Variants in SMAP1 observed in about 807,000 individuals in gnomAD.
The protein encoded by SMAP1 is stromal membrane-associated protein 1.
SMAP1 carries 24 observed loss-of-function variants against 58.5 expected under a neutral mutation model. That is an observed-to-expected ratio of 0.41 (90% CI 0.30 to 0.58). The LOEUF (loss-of-function observed/expected upper bound fraction) is 0.58, where lower values mean the gene tolerates loss of function less well. Ranked by LOEUF, SMAP1 falls within the 20% of genes least tolerant of loss-of-function variation. The probability of loss-of-function intolerance (pLI) is 0.29; values close to 1 mark genes in which losing one functional copy is unlikely to be tolerated. For missense variants in SMAP1, 563 were observed against 566.3 expected, an observed-to-expected ratio of 0.99 and a Z score of 0.06; for synonymous variants, 216 against 196.6, an observed-to-expected ratio of 1.10 and a Z score of -0.82.
intron 1 of SMAP1, among the ~76,000 whole-genome samples, chr6:70,676,429 T>C (rs935316960): frequency 2.0e-5 from 3 of 152,250 alleles, no homozygotes; most frequent in African/African-American, 7.2e-5. Flanking sequence ...TTTTATAACC[T>C]GGGGAAATTG....
chr6:70,678,367 T>C (rs1258622355), intron 1 of SMAP1, among the ~76,000 whole-genome samples: 1 of 152,232 alleles, frequency 6.6e-6, no homozygotes, highest in African/African-American at 2.4e-5. Flanking sequence ...ATATTTGGGA[T>C]AGCTTTATCT....
At chr6:70,770,673 A>G (rs1036681583) in intron 3 of SMAP1, among the ~76,000 whole-genome samples, 17 of 152,002 alleles carry the variant, frequency 1.1e-4, no homozygotes, top group Middle Eastern at 3.4e-3. Flanking sequence ...ACAGTTTTCA[A>G]CTTCTTTGCC....
intron 10 of SMAP1, chr6:70,859,288 A>G: frequency 7.0e-7 from 1 of 1,435,872 alleles, no homozygotes; most frequent in South Asian, 1.3e-5. Context: ...TTAAGGTGCT[A>G]GATGAACCAG....
intron 6 of SMAP1, among the ~76,000 whole-genome samples, chr6:70,811,637 GATTTGCATATA>G: frequency 6.6e-6 from 1 of 151,960 alleles, no homozygotes. Flanking sequence ...AAAATGACAT[GATTTGCATATA>G]ACTTATTGCA....
At chr6:70,738,263 T>C (rs187049619) in intron 2 of SMAP1, among the ~76,000 whole-genome samples, 33 of 152,308 alleles carry the variant, frequency 2.2e-4, no homozygotes, top group Admixed American at 2.1e-3. Flanking sequence ...ATAAAAATTA[T>C]ATCATGGTTA....
chr6:70,766,599 T>A (rs1198852029), intron 3 of SMAP1, among the ~76,000 whole-genome samples: 1 of 152,324 alleles, frequency 6.6e-6, no homozygotes, highest in East Asian at 1.9e-4. Context: ...GGTGGTTTGT[T>A]TTTTTCTTGT....
At chr6:70,856,750 C>A in intron 8 of SMAP1, 109 bp from the exon 9 acceptor site, 1 of 1,155,808 alleles carries the variant, frequency 8.7e-7, no homozygotes. Flanking sequence ...TTACCTTCTA[C>A]AATTGTTTGA....
chr6:70,797,011 A>G (rs1768634497), intron 5 of SMAP1, among the ~76,000 whole-genome samples: 1 of 152,150 alleles, frequency 6.6e-6, no homozygotes, highest in Non-Finnish European at 1.5e-5. Flanking sequence ...TGCTTTCACT[A>G]ATTGATGAAT....
intron 2 of SMAP1, among the ~76,000 whole-genome samples, chr6:70,753,609 C>T (rs1354109900): frequency 1.9e-4 from 29 of 152,108 alleles, no homozygotes; most frequent in African/African-American, 5.3e-4. Context: ...CACAGAATTA[C>T]GTATTAACTC....
intron 2 of SMAP1, among the ~76,000 whole-genome samples, chr6:70,749,148 A>G (rs1442681236): frequency 6.6e-6 from 1 of 152,154 alleles, no homozygotes; most frequent in African/African-American, 2.4e-5. Context: ...AGGCGAGGGG[A>G]AAGCAAGGCA....
chr6:70,753,005 T>C (rs770342015), intron 2 of SMAP1, among the ~76,000 whole-genome samples: 1 of 152,046 alleles, frequency 6.6e-6, no homozygotes, highest in Non-Finnish European at 1.5e-5. Flanking sequence ...TAGAACAGTG[T>C]TTAATAGTTT....
chr6:70,835,542 G>T (rs1562194106), intron 6 of SMAP1, among the ~76,000 whole-genome samples: 2 of 152,066 alleles, frequency 1.3e-5, no homozygotes. Context: ...GTCTTACTCT[G>T]TTGCCCAGGC....
intron 3 of SMAP1, among the ~76,000 whole-genome samples, chr6:70,763,439 T>C (rs1022952521): frequency 2.0e-5 from 3 of 152,172 alleles, no homozygotes; most frequent in African/African-American, 7.2e-5. Context: ...CTGATCAGCT[T>C]TTCCCTTTCT....
intron 1 of SMAP1, among the ~76,000 whole-genome samples, chr6:70,710,212 G>T (rs1444622085): frequency 1.3e-5 from 2 of 152,114 alleles, no homozygotes; most frequent in Non-Finnish European, 2.9e-5. Context: ...TAAAAAACAG[G>T]CTGGGTGTGG....
At chr6:70,772,544 G>T (rs1352994314) in intron 3 of SMAP1, among the ~76,000 whole-genome samples, 1 of 152,158 alleles carries the variant, frequency 6.6e-6, no homozygotes, top group Non-Finnish European at 1.5e-5. Context: ...AAGAGGTTAA[G>T]AACCCCTTTA....
intron 7 of SMAP1, among the ~76,000 whole-genome samples, chr6:70,843,341 TTA>T (rs1485697444): frequency 6.6e-6 from 1 of 152,190 alleles, no homozygotes; most frequent in South Asian, 2.1e-4. Flanking sequence ...AAGTATTAAA[TTA>T]TCTTATTATT....
At chr6:70,674,037 T>C (rs1249524629) in intron 1 of SMAP1, among the ~76,000 whole-genome samples, 1 of 152,164 alleles carries the variant, frequency 6.6e-6, no homozygotes, top group Non-Finnish European at 1.5e-5. Flanking sequence ...ATAACAGACT[T>C]GAATCCATGC....
chr6:70,732,051 A>T (rs1765450786), intron 1 of SMAP1, among the ~76,000 whole-genome samples: 1 of 152,188 alleles, frequency 6.6e-6, no homozygotes, highest in Admixed American at 6.5e-5. Context: ...TTAATAAAGA[A>T]ATTATTTTTA....
At chr6:70,671,065 G>T (rs1366012457) in intron 1 of SMAP1, among the ~76,000 whole-genome samples, 1 of 152,212 alleles carries the variant, frequency 6.6e-6, no homozygotes, top group Non-Finnish European at 1.5e-5. Flanking sequence ...AGCAGCTCTT[G>T]TTGGTTATTA....
Sources: gnomAD v4.1 joint callset for allele counts (sites outside exome capture counted in the v4.1 genomes callset) on GRCh38, gnomAD v4.1.1 for gene constraint, MANE v1.5 for transcripts, NCBI Gene and HGNC (gene_info 2026-07-23, HGNC 2026-07-21) for gene names.